The following MGA variants were observed in gnomAD, a reference collection of about 807,000 sequenced individuals.
The protein encoded by MGA is MAX gene-associated protein.
MGA carries 40 observed loss-of-function variants against 261.1 expected under a neutral mutation model. That is an observed-to-expected ratio of 0.15 (90% CI 0.12 to 0.20). MGA has a LOEUF of 0.20. Among genes scored for constraint, MGA ranks in the 10% least tolerant of loss-of-function variants. The probability of loss-of-function intolerance (pLI) is 1.00; values close to 1 mark genes in which losing one functional copy is unlikely to be tolerated. For synonymous variants in MGA, 1,302 were observed against 1,290.6 expected (o/e 1.01, Z -0.19); for missense variants, 3,397 against 3,630.5 (o/e 0.94, Z 1.65).
chr15:41,710,800 T>C lies in MGA; in HGVS notation c.2535T>C (p.Ser845=). ...TGATGGAAACAAGCATGGGTTTTTCTTCTAATGCTCCCACATCTCCTGTGG... is the reference window on the plus strand; with the variant it reads ...TGATGGAAACAAGCATGGGTTTTTCCTCTAATGCTCCCACATCTCCTGTGG... Residue 845 remains serine, a synonymous_variant, in exon 8 of 24, where the codon TCT becomes TCC. Coordinates refer to ENST00000219905, the MANE Select transcript of MGA (RefSeq NM_001164273.2). The C allele has an allele frequency of 6.2e-7, 1 of 1,614,026 alleles. No homozygotes were observed. The highest frequency in any genetic ancestry group is 1.3e-5 in the African/African-American group (1 of 75,054).
At position 41,740,218 on chromosome 15, in the gene MGA, A is replaced by G. The variant is rs2062014077; in HGVS notation, c.4585+15A>G. ...ACGGCCAATTGGTAAGTTGGGGTGT[A>G]TGTATGGTTTGGAAAGGCCTATGAC... On this transcript the variant is annotated intron_variant, in intron 14 of 23. Transcript: ENST00000219905. 2 of 1,612,490 alleles carry G rather than the reference A, an allele frequency of 1.2e-6. No homozygotes were observed. Among genetic ancestry groups the G allele is most frequent in the Non-Finnish European group, 1.7e-6 (2 of 1,178,950 alleles).
chr15:41,639,465 GT>G (rs1345351587), intron 1 of MGA, among the ~76,000 whole-genome samples: 9 of 151,012 alleles, frequency 6.0e-5, no homozygotes, highest in African/African-American at 2.2e-4. Context: ...CTTTAGGTCT[GT>G]TGGATCCCCC....
chr15:41,671,781 C>T (rs2058075426), intron 2 of MGA, among the ~76,000 whole-genome samples: 2 of 152,186 alleles, frequency 1.3e-5, no homozygotes, highest in African/African-American at 4.8e-5. Context: ...CTCATGAGTT[C>T]CCCTTGTCTT....
At chr15:41,667,577 A>G (rs1317718622) in intron 1 of MGA, among the ~76,000 whole-genome samples, 5 of 151,786 alleles carry the variant, frequency 3.3e-5, no homozygotes, top group Admixed American at 6.6e-5. Context: ...ACGGACTTTC[A>G]CTACGTTGGA....
At chr15:41,716,314 C>T (rs1339971893) in intron 9 of MGA, among the ~76,000 whole-genome samples, 7 of 151,766 alleles carry the variant, frequency 4.6e-5, no homozygotes, top group Admixed American at 2.0e-4. Flanking sequence ...ATTAGCCAGG[C>T]GTGGTGGCGG....
At chr15:41,722,193 G>A (rs1595867455) in intron 9 of MGA, among the ~76,000 whole-genome samples, 2 of 136,546 alleles carry the variant, frequency 1.5e-5, no homozygotes, top group South Asian at 2.3e-4. Context: ...GCAGTGGTGC[G>A]ACCTCGGCTC....
Position 41,696,409 on chromosome 15 carries a change from C to G in MGA, c.1399C>G (p.Pro467Ala), listed in dbSNP as rs745554947. 2 of 1,613,822 alleles carry G rather than the reference C, an allele frequency of 1.2e-6. No homozygotes were observed. Among genetic ancestry groups the G allele is most frequent in the African/African-American group, 2.7e-5 (2 of 74,936 alleles). The change falls in exon 3 of 24, where the codon CCA (proline) becomes GCA (alanine). Residue 467 changes from proline to alanine, a missense_variant. By Grantham distance (27) the Pro-to-Ala change is conservative. Coordinates refer to ENST00000219905, the MANE Select transcript of MGA (RefSeq NM_001164273.2). ...GTTCAAATTAGACACTGGAAAGATGCCAGTAGTCTATCTGGAGCCCTGTGC... is the reference window on the plus strand; with the variant it reads ...GTTCAAATTAGACACTGGAAAGATGGCAGTAGTCTATCTGGAGCCCTGTGC...
At chr15:41,642,761 A>C (rs1033686958) in intron 1 of MGA, among the ~76,000 whole-genome samples, 1 of 152,062 alleles carries the variant, frequency 6.6e-6, no homozygotes, top group Non-Finnish European at 1.5e-5. Flanking sequence ...GGCATGAGCC[A>C]CTGTACCCGG....
intron 9 of MGA, among the ~76,000 whole-genome samples, chr15:41,720,037 A>G (rs114059746): frequency 0.019 from 2,855 of 152,296 alleles, 85 homozygotes; most frequent in African/African-American, 0.066. Context: ...TCCTAATCAA[A>G]ACTCTGATAG....
chr15:41,729,488 G>T, intron 11 of MGA, 139 bp downstream of exon 11: 1 of 843,660 alleles, frequency 1.2e-6, no homozygotes, highest in Non-Finnish European at 1.8e-6. Flanking sequence ...TTATTTCTCT[G>T]TGTACCTATT....
intron 17 of MGA, among the ~76,000 whole-genome samples, 173 bp from the exon 18 acceptor site, chr15:41,754,259 ATATGT>A (rs759253671): frequency 4.6e-5 from 7 of 152,108 alleles, no homozygotes; most frequent in Non-Finnish European, 1.0e-4. Context: ...AATTCTAATG[ATATGT>A]TATCTTTCTG....
intron 14 of MGA, among the ~76,000 whole-genome samples, chr15:41,741,985 C>T (rs142733061): frequency 0.017 from 2,547 of 151,504 alleles, 37 homozygotes; most frequent in Non-Finnish European, 0.028. Context: ...GCTGGGATTA[C>T]AGGTGTGAGT....
intron 1 of MGA, among the ~76,000 whole-genome samples, chr15:41,622,184 T>C (rs538599838): frequency 6.6e-6 from 1 of 152,178 alleles, no homozygotes; most frequent in South Asian, 2.1e-4. Flanking sequence ...TGTGGTGTAC[T>C]GGGATGAGCC....
At chr15:41,631,646 A>G (rs985562303) in intron 1 of MGA, among the ~76,000 whole-genome samples, 5 of 152,050 alleles carry the variant, frequency 3.3e-5, no homozygotes, top group African/African-American at 1.2e-4. Context: ...TTGTCTTTCC[A>G]CTTAAAGGGG....
upstream of MGA, among the ~76,000 whole-genome samples, chr15:41,658,139 C>G (rs973375821): frequency 3.3e-5 from 5 of 152,176 alleles, no homozygotes; most frequent in South Asian, 2.1e-4. Flanking sequence ...TGCATGCATT[C>G]TCTCTAGTTT....
At position 41,767,377 on chromosome 15, in the gene MGA, A is replaced by T. The variant is rs1351169203; in HGVS notation, c.*97A>T. The T allele has an allele frequency of 7.6e-7, 1 of 1,310,482 alleles. No homozygotes were observed. The highest frequency in any genetic ancestry group is 1.0e-6 in the Non-Finnish European group (1 of 954,508). 81.2% of individuals were successfully genotyped at this position (1,310,482 alleles called of 1,614,324 possible). A position where few individuals can be genotyped will look rare whatever the true frequency, so the allele number is the denominator to read the frequency against. ...TGTTTGTTTGTGTCTTAGAACTTGGATCCTTGACTTCAATGATGCAGTGGA... is the reference window on the plus strand; with the variant it reads ...TGTTTGTTTGTGTCTTAGAACTTGGTTCCTTGACTTCAATGATGCAGTGGA... On this transcript the variant is annotated 3_prime_UTR_variant, in exon 24 of 24. Transcript: ENST00000219905.
chr15:41,715,144 T>TTG (rs1335125802), intron 9 of MGA, among the ~76,000 whole-genome samples: 1 of 149,510 alleles, frequency 6.7e-6, no homozygotes, highest in Non-Finnish European at 1.5e-5. Flanking sequence ...TGTCTTTTTT[T>TTG]TTTTTTTTCT....
At chr15:41,720,990 A>C (rs1160772781) in intron 9 of MGA, among the ~76,000 whole-genome samples, 3 of 152,226 alleles carry the variant, frequency 2.0e-5, no homozygotes, top group African/African-American at 7.2e-5. Flanking sequence ...TTCGTTTCTC[A>C]CACCATATAT....
At chr15:41,746,728 G>A (rs945819231) in intron 15 of MGA, among the ~76,000 whole-genome samples, 2 of 151,510 alleles carry the variant, frequency 1.3e-5, no homozygotes, top group African/African-American at 4.9e-5. Flanking sequence ...ATATTTTTTT[G>A]TGTGGGCAGA....
Sources: gnomAD v4.1 joint callset for allele counts (sites outside exome capture counted in the v4.1 genomes callset) on GRCh38, gnomAD v4.1.1 for gene constraint, MANE v1.5 for transcripts, NCBI Gene and HGNC (gene_info 2026-07-23, HGNC 2026-07-21) for gene names.